MAU2: variants seen among roughly 807,000 people sequenced by gnomAD.
MAU2 encodes the protein MAU2 chromatid cohesion factor homolog.
In MAU2, 9 loss-of-function variants were observed where a neutral mutation model predicts 89.1. The observed-to-expected ratio is 0.10, with a 90% CI of 0.06 to 0.18. MAU2 has a LOEUF of 0.18. Among genes scored for constraint, MAU2 ranks in the 10% least tolerant of loss-of-function variants. The pLI, the probability that MAU2 is intolerant of heterozygous loss-of-function variation, is 1.00. For synonymous variants in MAU2, 357 were observed against 343.4 expected (o/e 1.04, Z -0.44); for missense variants, 425 against 803.5 (o/e 0.53, Z 5.69).
chr19:19,354,563 C>T (rs1295361676), intron 17 of MAU2, 118 bp downstream of exon 17: 1 of 845,834 alleles, frequency 1.2e-6, no homozygotes, highest in Non-Finnish European at 1.9e-6. Flanking sequence ...GGCCGCAGCC[C>T]CAGTTCTAGC....
chr19:19,343,636 C>T (rs1244444992), intron 9 of MAU2, among the ~76,000 whole-genome samples: 1 of 152,210 alleles, frequency 6.6e-6, no homozygotes, highest in East Asian at 1.9e-4. Context: ...GGGAACCAAC[C>T]TCTGGCTCCA....
chr19:19,344,701 A>G (rs969724743), intron 10 of MAU2, 148 bp from the exon 11 acceptor site: 11 of 658,496 alleles, frequency 1.7e-5, no homozygotes, highest in Non-Finnish European at 2.8e-5. Context: ...CTTTGCCCTC[A>G]TGGTGGACGT....
rs1380406298 is a variant in MAU2, at chr19:19,342,794, A to G, written c.901A>G (p.Met301Val). The change falls in exon 9 of 19, where the codon ATG (methionine) becomes GTG (valine). Residue 301 changes from methionine (M) to valine (V), a missense_variant. Around this residue, in one of 11 missense-constraint regions of MAU2, gnomAD observed 119 missense variants for 299.8 expected, o/e 0.40. Coordinates refer to ENST00000262815, the MANE Select transcript of MAU2 (RefSeq NM_015329.4). ...TCGCTAGGTGACTGTGATGCACTCC[A>G]TGCAGGCCGGCTACCTGGAGAAGGC... ...LVYLVTVMHS[M>V]QAGYLEKAQK... The G allele has an allele frequency of 6.2e-7, 1 of 1,613,968 alleles. No homozygotes were observed.
chr19:19,349,556 C>T (rs908322528), intron 16 of MAU2, 120 bp downstream of exon 16: 72 of 836,254 alleles, frequency 8.6e-5, no homozygotes, highest in Middle Eastern at 6.1e-4. Flanking sequence ...TCGAAGAGCA[C>T]GTCTAGGTGG....
In MAU2 at chr19:19,354,447, T is replaced by C; in HGVS notation, c.1639+2T>C. 1 of 1,612,294 alleles carries C rather than the reference T, an allele frequency of 6.2e-7. No homozygotes were observed. Among genetic ancestry groups the C allele is most frequent in the Non-Finnish European group, 8.5e-7 (1 of 1,179,188 alleles). Reference sequence around the variant, plus strand: ...TGTGGTCGTCAGCACTGCTGAGAGGTGAGTGCAATGGCCACCCCTCTTCCC... The same window carrying C: ...TGTGGTCGTCAGCACTGCTGAGAGGCGAGTGCAATGGCCACCCCTCTTCCC... On this transcript the variant is annotated splice_donor_variant, in intron 17 of 18. Transcript: ENST00000262815. LOFTEE classifies it high-confidence loss of function.
chr19:19,335,595 C>T, intron 1 of MAU2, 123 bp from the exon 2 acceptor site: 2 of 977,672 alleles, frequency 2.0e-6, no homozygotes, highest in African/African-American at 1.6e-5. Flanking sequence ...GGGCCGCCTT[C>T]TTGTTACCTG....
chr19:19,337,384 A>G (rs1360742659), intron 4 of MAU2, 119 bp downstream of exon 4: 11 of 751,998 alleles, frequency 1.5e-5, no homozygotes, highest in African/African-American at 6.9e-5. Context: ...GGGCTGGCAC[A>G]TGGAGTAGGT....
chr19:19,341,613 A>G (rs1442287624), intron 7 of MAU2, among the ~76,000 whole-genome samples: 4 of 152,116 alleles, frequency 2.6e-5, no homozygotes, highest in African/African-American at 9.7e-5. Flanking sequence ...TGTCCTGGCC[A>G]CCCCACCTCC....
chr19:19,330,179 C>T (rs1286759635), intron 1 of MAU2, among the ~76,000 whole-genome samples: 1 of 151,612 alleles, frequency 6.6e-6, no homozygotes, highest in Non-Finnish European at 1.5e-5. Context: ...GGGGTTTTGC[C>T]ATGTTGCCCA....
chr19:19,325,287 T>C lies in MAU2; in HGVS notation c.276+4152T>C, dbSNP rs187412278. Among the ~76,000 whole-genome samples, 725 of 152,192 alleles carry C rather than the reference T, an allele frequency of 4.8e-3. 5 individuals carry two copies. The highest frequency in any genetic ancestry group is 0.017 in the African/African-American group (690 of 41,526). On this transcript the variant is annotated intron_variant, in intron 1 of 18. Coordinates refer to ENST00000262815, the MANE Select transcript of MAU2 (RefSeq NM_015329.4). ...GCCTCCCGGGTTCAAGCGAGTCTCC[T>C]GCCTCAGCCTCCCAAGCAGCTGGGA...
At chr19:19,353,107 G>C (rs1175221863) in intron 16 of MAU2, 2 of 152,306 alleles carry the variant, frequency 1.3e-5, no homozygotes, top group African/African-American at 4.8e-5. Context: ...GAGGGTCCAG[G>C]GGCCCAGAAG....
chr19:19,354,709 T>C (rs1461606634), intron 17 of MAU2: 1 of 516,172 alleles, frequency 1.9e-6, no homozygotes, highest in Non-Finnish European at 3.5e-6. Context: ...ACTTGGGCTG[T>C]TAGCCGTGGC....
chr19:19,354,506 C>G (rs2048154965), intron 17 of MAU2, 61 bp downstream of exon 17: 12 of 1,446,412 alleles, frequency 8.3e-6, no homozygotes, highest in Non-Finnish European at 1.2e-5. Flanking sequence ...GAGATCAAGG[C>G]TGCTGGGCAT....
intron 17 of MAU2, 140 bp downstream of exon 17, chr19:19,354,585 G>C: frequency 2.8e-6 from 2 of 723,184 alleles, no homozygotes. Context: ...TGGGTAGGGG[G>C]TGCTCCTCAG....
intron 5 of MAU2, among the ~76,000 whole-genome samples, chr19:19,339,203 A>G (rs1450364364): frequency 6.6e-6 from 1 of 152,198 alleles, no homozygotes; most frequent in Non-Finnish European, 1.5e-5. Flanking sequence ...TAATCCCAGC[A>G]CTTTGAGAGG....
At chr19:19,325,772 C>T (rs554900233) in intron 1 of MAU2, among the ~76,000 whole-genome samples, 83 of 152,288 alleles carry the variant, frequency 5.5e-4, no homozygotes, top group African/African-American at 1.9e-3. Context: ...CCACCACACC[C>T]GGCATCTCTC....
chr19:19,333,899 G>A (rs1453404841), intron 1 of MAU2, among the ~76,000 whole-genome samples: 2 of 152,196 alleles, frequency 1.3e-5, no homozygotes, highest in African/African-American at 2.4e-5. Context: ...ACCCTGGACT[G>A]TGTCTGAAGA....
Position 19,342,521 on chromosome 19 carries a change from T to G in MAU2, c.736-14T>G. ...CCAGGCTCAGGTGGATGCTCGGGTG[T>G]GGGTGCTGCACAGGTGAAGAGCGTG... On this transcript the variant is annotated splice_polypyrimidine_tract_variant and intron_variant, in intron 7 of 18. Transcript: ENST00000262815. 6.5e-7 allele frequency: 1 copy of G among 1,549,700 alleles called. No individual in the cohort carries two copies. The highest frequency in any genetic ancestry group is 8.7e-7 in the Non-Finnish European group (1 of 1,145,964).
chr19:19,335,058 TTGGAACA>T (rs918297659), intron 1 of MAU2, among the ~76,000 whole-genome samples: 10 of 152,274 alleles, frequency 6.6e-5, no homozygotes, highest in African/African-American at 1.2e-4. Context: ...CTGGGAACTG[TTGGAACA>T]TGGAACTTTA....
Sources: allele counts gnomAD v4.1 joint callset (sites outside exome capture counted in the v4.1 genomes callset), GRCh38; gene constraint gnomAD v4.1.1; regional missense constraint gnomAD v4.1.1; transcripts MANE v1.5; gene names NCBI Gene and HGNC (gene_info 2026-07-23, HGNC 2026-07-21).